POLA1: variants seen among roughly 807,000 people sequenced by gnomAD.
The protein encoded by POLA1 is DNA polymerase alpha 1, catalytic subunit.
Under a neutral mutation model 124.0 loss-of-function variants are expected in POLA1, and 15 were observed. The ratio of observed to expected loss-of-function variants is 0.12; its 90% confidence interval spans 0.08 to 0.19. The LOEUF (loss-of-function observed/expected upper bound fraction) is 0.19, where lower values mean the gene tolerates loss of function less well. POLA1 is among the 10% of genes least tolerant of loss of function. The pLI, the probability that POLA1 is intolerant of heterozygous loss-of-function variation, is 1.00. For synonymous variants in POLA1, 408 were observed against 389.4 expected, an observed-to-expected ratio of 1.05 and a Z score of -0.56; for missense variants, 886 against 1,103.4, an observed-to-expected ratio of 0.80 and a Z score of 2.79.
intron 26 of POLA1, among the ~76,000 whole-genome samples, chrX:24,808,535 C>T (rs1040190622): frequency 9.1e-6 from 1 of 109,620 alleles, no homozygotes; most frequent in Non-Finnish European, 1.9e-5. Flanking sequence ...TTTTTAAGAT[C>T]CCCAGGTGAT....
chrX:24,967,147 C>T (rs781731066), intron 36 of POLA1, among the ~76,000 whole-genome samples: 28 of 109,722 alleles, frequency 2.6e-4, no homozygotes, highest in African/African-American at 9.3e-4. Flanking sequence ...TGATACGTTC[C>T]GGTTCTTTGA....
chrX:24,742,163 C>G (rs372410186), intron 22 of POLA1, 42 bp downstream of exon 22: 30 of 844,395 alleles, frequency 3.6e-5, no homozygotes, highest in African/African-American at 2.3e-4. Context: ...CTCTTAACCC[C>G]CCCCCCCCTT....
chrX:24,777,408 A>G (rs945176992), intron 26 of POLA1, among the ~76,000 whole-genome samples: 1 of 112,495 alleles, frequency 8.9e-6, no homozygotes, highest in Non-Finnish European at 1.9e-5. Context: ...GTAGCATTCT[A>G]TTTGTGTTAA....
chrX:24,842,773 A>G (rs1383010592), intron 33 of POLA1, among the ~76,000 whole-genome samples: 1 of 111,717 alleles, frequency 9.0e-6, no homozygotes, highest in Non-Finnish European at 1.9e-5. Context: ...TCCACCTGGA[A>G]TTGCTTAGCG....
At chrX:24,829,660 C>A (rs752990650) in intron 32 of POLA1, among the ~76,000 whole-genome samples, 2 of 111,885 alleles carry the variant, frequency 1.8e-5, no homozygotes, top group African/African-American at 6.5e-5. Context: ...TATTCCTCTA[C>A]CCCAAATAAA....
chrX:24,725,996 T>A lies in POLA1; in HGVS notation c.1333T>A (p.Tyr445Asn). 8.4e-7 allele frequency: 1 copy of A among 1,185,895 alleles called. No homozygotes were observed. The highest frequency in any genetic ancestry group is 1.1e-6 in the Non-Finnish European group (1 of 874,323). Residue 445 changes from tyrosine (Y) to asparagine (N), a missense_variant, in exon 13 of 37, where the codon TAT becomes AAT. Physicochemically the swap from Tyr to Asn is moderately radical, Grantham distance 143. Coordinates refer to ENST00000379068, the MANE Select transcript of POLA1 (RefSeq NM_001330360.2). ...ACTTACCCAGCCAGTGGAAAAGAACTATGCTTTTGAGATACCTGATGTTCC... is the reference window on the plus strand; with the variant it reads ...ACTTACCCAGCCAGTGGAAAAGAACAATGCTTTTGAGATACCTGATGTTCC... ...KFKSKPVEKN[Y>N]AFEIPDVPEK...
In POLA1 at chrX:24,812,854, A is replaced by G; in HGVS notation, c.3287A>G (p.Asp1096Gly). 2.6e-6 allele frequency: 3 copies of G among 1,169,822 alleles called. No homozygotes were observed. The highest frequency in any genetic ancestry group is 2.3e-6 in the Non-Finnish European group (2 of 860,787). The stretch of plus-strand genomic sequence containing the variant: ...AGAGATTGGTGTGATCTTGCTAAAG[A>G]CACTGGAAAGTGAGTTCAGCTTTCA... ...VRRDWCDLAK[D>G]TGNFVIGQIL... Residue 1096 changes from aspartate to glycine, a missense_variant, in exon 29 of 37, where the codon GAC becomes GGC. Asp to Gly is a moderately conservative substitution (Grantham distance 94). This residue lies in a region of POLA1 where 313 missense variants were observed against 359.7 expected (regional missense o/e 0.87). Coordinates refer to ENST00000379068, the MANE Select transcript of POLA1 (RefSeq NM_001330360.2).
intron 10 of POLA1, among the ~76,000 whole-genome samples, chrX:24,722,409 T>TTA (rs1930256029): frequency 8.9e-6 from 1 of 112,465 alleles, no homozygotes; most frequent in Non-Finnish European, 1.9e-5. Context: ...GAAAGGAACA[T>TTA]TATAAACACT....
chrX:24,729,166 A>G, intron 15 of POLA1, among the ~76,000 whole-genome samples: 1 of 112,118 alleles, frequency 8.9e-6, no homozygotes, highest in South Asian at 3.7e-4. Flanking sequence ...TTTTTCATCT[A>G]AGGTTTTTTA....
chrX:24,808,744 A>T (rs758542726), intron 26 of POLA1, among the ~76,000 whole-genome samples: 1 of 112,124 alleles, frequency 8.9e-6, no homozygotes, highest in South Asian at 3.7e-4. Flanking sequence ...GATATAAAAG[A>T]TACTCTAAAG....
chrX:24,821,595 A>G lies in POLA1; in HGVS notation c.3561+12A>G. The G allele has an allele frequency of 3.4e-6, 4 of 1,180,930 alleles. No individual in the cohort carries two copies. Among genetic ancestry groups the G allele is most frequent in the Non-Finnish European group, 4.6e-6 (4 of 871,359 alleles). On this transcript the variant is annotated intron_variant, in intron 31 of 36. Coordinates refer to ENST00000379068, the MANE Select transcript of POLA1 (RefSeq NM_001330360.2). Reference sequence around the variant, plus strand: ...ATGTCATCTGTCAGGTAAACTATTGACATTCGTAAGACTCTGACACCTCTT... The same window carrying G: ...ATGTCATCTGTCAGGTAAACTATTGGCATTCGTAAGACTCTGACACCTCTT...
chrX:24,743,974 C>T (rs1165647793), intron 23 of POLA1, among the ~76,000 whole-genome samples: 2 of 107,527 alleles, frequency 1.9e-5, no homozygotes, highest in Non-Finnish European at 3.8e-5. Context: ...CTCACTGCAA[C>T]CTTCACCTCT....
chrX:24,814,057 T>C (rs1177292065), intron 29 of POLA1, among the ~76,000 whole-genome samples: 2 of 111,762 alleles, frequency 1.8e-5, no homozygotes, highest in African/African-American at 3.3e-5. Flanking sequence ...ACCAGCTGAG[T>C]ATAGGTCACT....
Position 24,912,738 on chromosome X carries a change from C to G in POLA1, c.4165-17715C>G, listed in dbSNP as rs1451236561. Among the ~76,000 whole-genome samples, 5 of 111,427 alleles carry G rather than the reference C, an allele frequency of 4.5e-5. 1 individual carries two copies. Among genetic ancestry groups the G allele is most frequent in the Admixed American group, 3.8e-4 (4 of 10,525 alleles). On this transcript the variant is annotated intron_variant, in intron 35 of 36. Transcript: ENST00000379068. ...TGAGCAGTGACTGTGCCACTGCACT[C>G]TAGCCTGGGTGACAGAGTAAGACCC...
intron 20 of POLA1, among the ~76,000 whole-genome samples, chrX:24,740,351 C>T (rs1931554815): frequency 9.0e-6 from 1 of 111,119 alleles, no homozygotes; most frequent in Admixed American, 9.6e-5. Flanking sequence ...TAAGTCTGAC[C>T]ACTTCTTTTC....
chrX:24,965,529 C>A (rs2048211843), intron 36 of POLA1, among the ~76,000 whole-genome samples: 1 of 111,983 alleles, frequency 8.9e-6, no homozygotes, highest in African/African-American at 3.2e-5. Flanking sequence ...CTAAATCCAA[C>A]AGTGTGTCTG....
At chrX:24,993,429 G>A (rs1392658759) in intron 36 of POLA1, among the ~76,000 whole-genome samples, 1 of 112,665 alleles carries the variant, frequency 8.9e-6, no homozygotes, top group African/African-American at 3.2e-5. Context: ...TGCAGCACCT[G>A]AGGTGATGGC....
chrX:24,717,699 A>G lies in POLA1; in HGVS notation c.1028A>G (p.Glu343Gly). 8.3e-7 allele frequency: 1 copy of G among 1,208,779 alleles called. No individual in the cohort carries two copies. Reference sequence around the variant, plus strand: ...CTCCCATTGGTAAAAGGGGCAGATGAGGAACAAGTATTCCACTTTTATTGG... The same window carrying G: ...CTCCCATTGGTAAAAGGGGCAGATGGGGAACAAGTATTCCACTTTTATTGG... ...SHLPLVKGAD[E>G]EQVFHFYWLD... Residue 343 changes from glutamate (E) to glycine (G), a missense_variant, in exon 10 of 37, where the codon GAG (glutamate) becomes GGG (glycine). Physicochemically the swap from Glu to Gly is moderately conservative, Grantham distance 98. Around this residue, in one of 7 missense-constraint regions of POLA1, gnomAD observed 337 missense variants for 402.8 expected, o/e 0.84. Transcript: ENST00000379068.
intron 34 of POLA1, among the ~76,000 whole-genome samples, chrX:24,859,267 A>T (rs1010456969): frequency 9.0e-6 from 1 of 111,636 alleles, no homozygotes; most frequent in Admixed American, 9.5e-5. Context: ...TTTCTTACCG[A>T]TTAAAATTCA....
Sources: gnomAD v4.1 joint callset for allele counts (sites outside exome capture counted in the v4.1 genomes callset) on GRCh38, gnomAD v4.1.1 for gene constraint, gnomAD v4.1.1 regional missense constraint, MANE v1.5 for transcripts, NCBI Gene and HGNC (gene_info 2026-07-23, HGNC 2026-07-21) for gene names.